The following ROR1 variants were observed in gnomAD, a reference collection of about 807,000 sequenced individuals.
ROR1 encodes inactive tyrosine-protein kinase transmembrane receptor ROR1.
ROR1 carries 19 observed loss-of-function variants against 78.8 expected under a neutral mutation model. That is an observed-to-expected ratio of 0.24 (90% CI 0.17 to 0.35). The LOEUF (loss-of-function observed/expected upper bound fraction) is 0.35. Among genes scored for constraint, ROR1 ranks in the 10% least tolerant of loss-of-function variants. The probability of loss-of-function intolerance (pLI) is 1.00; values close to 1 mark genes in which losing one functional copy is unlikely to be tolerated. For synonymous variants in ROR1, 386 were observed against 433.6 expected (o/e 0.89, Z 1.36); for missense variants, 917 against 1,177.8 (o/e 0.78, Z 3.24).
At chr1:63,890,590 A>G (rs1031132599) in intron 1 of ROR1, among the ~76,000 whole-genome samples, 4 of 152,018 alleles carry the variant, frequency 2.6e-5, no homozygotes, top group African/African-American at 7.2e-5. Flanking sequence ...TACTCTGGTT[A>G]GGGAGTACTG....
chr1:63,847,339 T>C (rs1172530460), intron 1 of ROR1, among the ~76,000 whole-genome samples: 2 of 152,180 alleles, frequency 1.3e-5, no homozygotes, highest in African/African-American at 4.8e-5. Flanking sequence ...GGTCTACTTC[T>C]ATCGTAGCAG....
chr1:64,016,941 A>G (rs1431664039), intron 2 of ROR1, among the ~76,000 whole-genome samples: 1 of 151,854 alleles, frequency 6.6e-6, no homozygotes, highest in Non-Finnish European at 1.5e-5. Context: ...CTTTTGAGAC[A>G]AGATCTTATT....
chr1:63,940,538 T>TAGAC (rs1645830523), intron 1 of ROR1, among the ~76,000 whole-genome samples: 1 of 151,514 alleles, frequency 6.6e-6, no homozygotes, highest in Admixed American at 6.6e-5. Flanking sequence ...GATAGATAGA[T>TAGAC]AGATAATGTG....
At chr1:64,161,262 A>G (rs1017596624) in intron 8 of ROR1, among the ~76,000 whole-genome samples, 5 of 152,234 alleles carry the variant, frequency 3.3e-5, no homozygotes, top group African/African-American at 1.2e-4. Flanking sequence ...TCCAAGAGCT[A>G]GTTATTAGAA....
At chr1:63,912,137 A>C (rs941290983) in intron 1 of ROR1, among the ~76,000 whole-genome samples, 6 of 151,894 alleles carry the variant, frequency 4.0e-5, no homozygotes, top group Non-Finnish European at 5.9e-5. Context: ...AAAAAAAAAA[A>C]AAAAATACTA....
chr1:63,915,107 A>C (rs1645599141), intron 1 of ROR1, among the ~76,000 whole-genome samples: 1 of 152,184 alleles, frequency 6.6e-6, no homozygotes, highest in Non-Finnish European at 1.5e-5. Flanking sequence ...TCTTTCTTTT[A>C]AACATACAAA....
chr1:64,161,244 C>A (rs1395153546), intron 8 of ROR1, among the ~76,000 whole-genome samples: 1 of 152,162 alleles, frequency 6.6e-6, no homozygotes, highest in Admixed American at 6.5e-5. Context: ...TAAGTAACTT[C>A]CCCAAGGTCC....
intron 4 of ROR1, among the ~76,000 whole-genome samples, chr1:64,080,159 G>A (rs1288698056): frequency 1.3e-5 from 2 of 152,094 alleles, no homozygotes; most frequent in Non-Finnish European, 2.9e-5. Context: ...TTTGGGATTG[G>A]TTGCTTTCTT....
chr1:63,788,903 G>T, intron 1 of ROR1: 1 of 882,974 alleles, frequency 1.1e-6, no homozygotes, highest in Non-Finnish European at 1.8e-6. Flanking sequence ...AGAATCGCTT[G>T]TTTTTGAACA....
At chr1:63,964,056 G>A (rs1646054683) in intron 1 of ROR1, among the ~76,000 whole-genome samples, 1 of 152,192 alleles carries the variant, frequency 6.6e-6, no homozygotes. Context: ...GGGACACTTA[G>A]GAAGTGTTCA....
At chr1:63,990,823 G>A (rs936571757) in intron 1 of ROR1, among the ~76,000 whole-genome samples, 2 of 152,190 alleles carry the variant, frequency 1.3e-5, no homozygotes, top group African/African-American at 2.4e-5. Context: ...AAGTGAAGGA[G>A]AGGGAGGAGT....
At chr1:64,024,020 C>T (rs1300071670) in intron 2 of ROR1, among the ~76,000 whole-genome samples, 4 of 152,172 alleles carry the variant, frequency 2.6e-5, no homozygotes, top group Non-Finnish European at 5.9e-5. Context: ...CTCTCTTTCT[C>T]TCCTGTCACC....
At chr1:63,846,015 A>G (rs1434046952) in intron 1 of ROR1, among the ~76,000 whole-genome samples, 1 of 152,094 alleles carries the variant, frequency 6.6e-6, no homozygotes, top group Non-Finnish European at 1.5e-5. Context: ...TGCTGTGTCT[A>G]ATCAGCTTTC....
At chr1:64,004,388 C>T (rs1031196649) in intron 1 of ROR1, among the ~76,000 whole-genome samples, 3 of 152,220 alleles carry the variant, frequency 2.0e-5, no homozygotes, top group African/African-American at 2.4e-5. Flanking sequence ...TTATGTTCCT[C>T]TATAAATAGC....
chr1:63,987,216 C>T lies in ROR1; in HGVS notation c.92-22089C>T, dbSNP rs116066766. Among the ~76,000 whole-genome samples the T allele has an allele frequency of 6.4e-3, 969 of 152,270 alleles. 6 individuals carry two copies. The highest frequency in any genetic ancestry group is 0.011 in the Admixed American group (170 of 15,298). On this transcript the variant is annotated intron_variant, in intron 1 of 8. Transcript: ENST00000371079. ...AGATGACTCAGCCATAGTTTTGCTG[C>T]AGAATTATGTCAGTGGAATTTATTA...
At chr1:64,137,232 A>G (rs1049864828) in intron 4 of ROR1, 137 bp from the exon 5 acceptor site, 8 of 792,022 alleles carry the variant, frequency 1.0e-5, no homozygotes, top group African/African-American at 5.3e-5. Context: ...CAAAAGCCCA[A>G]TTCCTTAGCC....
At chr1:63,798,517 C>T (rs1644776486) in intron 1 of ROR1, among the ~76,000 whole-genome samples, 1 of 152,134 alleles carries the variant, frequency 6.6e-6, no homozygotes, top group East Asian at 1.9e-4. Flanking sequence ...ATGCAGTCCG[C>T]TGCCATAGAG....
chr1:64,028,940 G>A (rs2100566497), intron 2 of ROR1: 1 of 152,072 alleles, frequency 6.6e-6, no homozygotes, highest in African/African-American at 2.4e-5. Flanking sequence ...TTTGCCCAGG[G>A]GCCATGCTAA....
chr1:63,882,365 T>A (rs1185788877), intron 1 of ROR1, among the ~76,000 whole-genome samples: 1 of 152,180 alleles, frequency 6.6e-6, no homozygotes, highest in Non-Finnish European at 1.5e-5. Flanking sequence ...AAGGCACTGA[T>A]GGCAGGCACC....
Sources: gnomAD v4.1 joint callset for allele counts (sites outside exome capture counted in the v4.1 genomes callset) on GRCh38, gnomAD v4.1.1 for gene constraint, MANE v1.5 for transcripts, NCBI Gene and HGNC (gene_info 2026-07-23, HGNC 2026-07-21) for gene names.